Variants in LRP6 observed in about 807,000 individuals in gnomAD.
LRP6 encodes low-density lipoprotein receptor-related protein 6.
LRP6 carries 43 observed loss-of-function variants against 184.1 expected under a neutral mutation model. The observed-to-expected ratio is 0.23, with a 90% CI of 0.18 to 0.30. LRP6 has a LOEUF of 0.30. Among genes scored for constraint, LRP6 ranks in the 10% least tolerant of loss-of-function variants. The pLI, the probability that LRP6 is intolerant of heterozygous loss-of-function variation, is 1.00. For synonymous variants in LRP6, 719 were observed against 684.9 expected (o/e 1.05, Z -0.78); for missense variants, 1,571 against 2,005.3 (o/e 0.78, Z 4.14).
intron 5 of LRP6, among the ~76,000 whole-genome samples, chr12:12,181,854 A>G (rs1863352647): frequency 6.6e-6 from 1 of 152,236 alleles, no homozygotes. Flanking sequence ...TGTGCTTGAT[A>G]GGAATGTTCT....
intron 2 of LRP6, among the ~76,000 whole-genome samples, chr12:12,242,597 T>A (rs927780963): frequency 6.6e-6 from 1 of 152,182 alleles, no homozygotes; most frequent in Admixed American, 6.5e-5. Flanking sequence ...TTCTCAAAAA[T>A]ATCTATAAAG....
At chr12:12,138,881 G>A in intron 15 of LRP6, 1 of 1,373,942 alleles carries the variant, frequency 7.3e-7, no homozygotes, top group Non-Finnish European at 9.7e-7. Flanking sequence ...TGGACCCAGA[G>A]TTCTGAGTAT....
At chr12:12,220,442 G>A (rs1307553529) in intron 2 of LRP6, among the ~76,000 whole-genome samples, 1 of 152,172 alleles carries the variant, frequency 6.6e-6, no homozygotes, top group Non-Finnish European at 1.5e-5. Flanking sequence ...CTGCAGTATA[G>A]TACGTAGCAC....
At position 12,164,403 on chromosome 12, in the gene LRP6, T is replaced by C; in HGVS notation, c.1922A>G (p.Asp641Gly). ...TGTTTCCAGAGAAATTCGTCTGATA[T>C]CTGCTCTCCGTGAAAACAAAAGGAA... ...EAFLLFSRRA[D>G]IRRISLETNN... Residue 641 changes from aspartate (D) to glycine (G), a missense_variant, in exon 9 of 23, where the codon GAT becomes GGT. Transcript: ENST00000261349. 6.2e-7 allele frequency: 1 copy of C among 1,614,172 alleles called. No individual in the cohort carries two copies. The highest frequency in any genetic ancestry group is 8.5e-7 in the Non-Finnish European group (1 of 1,180,038).
chr12:12,244,338 C>G lies in LRP6; in HGVS notation c.373G>C (p.Asp125His). ...AATAAAACTTTTCGTAAAGATCCATCTAAATTAGAAACTTCAATCCGATTA... is the reference window on the plus strand; with the variant it reads ...AATAAAACTTTTCGTAAAGATCCATGTAAATTAGAAACTTCAATCCGATTA... ...ETNRIEVSNL[D>H]GSLRKVLFWQ... Residue 125 changes from aspartate (D) to histidine (H), a missense_variant, in exon 2 of 23, where the codon GAT (aspartate) becomes CAT (histidine). Transcript: ENST00000261349. The G allele has an allele frequency of 6.2e-7, 1 of 1,614,166 alleles. No individual in the cohort carries two copies. The highest frequency in any genetic ancestry group is 8.5e-7 in the Non-Finnish European group (1 of 1,180,032).
intron 7 of LRP6, among the ~76,000 whole-genome samples, chr12:12,168,221 G>A (rs1315132804): frequency 6.6e-6 from 1 of 152,034 alleles, no homozygotes; most frequent in Non-Finnish European, 1.5e-5. Flanking sequence ...GCCTCTTCCA[G>A]CTAATGTATT....
chr12:12,198,813 C>T (rs1462660263), intron 3 of LRP6, among the ~76,000 whole-genome samples: 2 of 151,952 alleles, frequency 1.3e-5, no homozygotes, highest in South Asian at 4.2e-4. Flanking sequence ...GGATTATAGG[C>T]GTGAGTCATT....
intron 3 of LRP6, among the ~76,000 whole-genome samples, chr12:12,187,757 C>CT (rs1863512350): frequency 6.6e-6 from 1 of 152,142 alleles, no homozygotes; most frequent in Non-Finnish European, 1.5e-5. Flanking sequence ...TATATTCAGG[C>CT]AGCCAAAAAG....
rs1383406059 is a variant in LRP6 at position 12,183,927 on chromosome 12, A to C, written c.976+53T>G. 4 of 1,542,890 alleles carry C rather than the reference A, an allele frequency of 2.6e-6. No individual in the cohort carries two copies. In the African/African-American group the frequency reaches 4.1e-5, roughly 16 times the overall value. ...GAGCTGATTATAGAGAAAACAAATC[A>C]TGAAGAATTCCAATAGTTATAAAAT... On this transcript the variant is annotated intron_variant, in intron 5 of 22. Coordinates refer to ENST00000261349, the MANE Select transcript of LRP6 (RefSeq NM_002336.3).
At chr12:12,137,853 T>G (rs966980017) in intron 16 of LRP6, among the ~76,000 whole-genome samples, 1 of 151,894 alleles carries the variant, frequency 6.6e-6, no homozygotes, top group Non-Finnish European at 1.5e-5. Flanking sequence ...CCGGGTAAGG[T>G]TGACATAAGG....
chr12:12,127,440 G>A (rs1342027408), intron 19 of LRP6, among the ~76,000 whole-genome samples: 1 of 152,174 alleles, frequency 6.6e-6, no homozygotes, highest in Middle Eastern at 3.2e-3. Flanking sequence ...TGACATTTAG[G>A]CCTGATGAAT....
chr12:12,146,485 G>A (rs1443407295), intron 15 of LRP6, among the ~76,000 whole-genome samples: 1 of 152,202 alleles, frequency 6.6e-6, no homozygotes, highest in East Asian at 1.9e-4. Context: ...ATTGGGGACA[G>A]AGGAGGTAAT....
At chr12:12,179,361 AAGATATAGATATAGATAT>A (rs71061019) in intron 7 of LRP6, among the ~76,000 whole-genome samples, 2,874 of 83,854 alleles carry the variant, frequency 0.034, 38 homozygotes, top group Non-Finnish European at 0.043. Flanking sequence ...ACAGCAATAA[AAGATATAGATATAGATAT>A]AGATATAGAT....
At chr12:12,206,384 T>G (rs1439772326) in intron 2 of LRP6, among the ~76,000 whole-genome samples, 2 of 151,450 alleles carry the variant, frequency 1.3e-5, no homozygotes, top group Non-Finnish European at 2.9e-5. Flanking sequence ...CTATTAAAAA[T>G]ACAAAAAAAT....
intron 9 of LRP6, among the ~76,000 whole-genome samples, chr12:12,163,017 C>A (rs1046231221): frequency 6.6e-6 from 1 of 152,112 alleles, no homozygotes; most frequent in Non-Finnish European, 1.5e-5. Flanking sequence ...ACTCTGTCAC[C>A]CAGGCTGGAG....
intron 2 of LRP6, among the ~76,000 whole-genome samples, chr12:12,215,035 G>A (rs1864304233): frequency 1.3e-5 from 2 of 152,266 alleles, no homozygotes; most frequent in South Asian, 2.1e-4. Flanking sequence ...CAGGGAGATG[G>A]TTTGAGACTG....
intron 7 of LRP6, among the ~76,000 whole-genome samples, chr12:12,172,540 G>A (rs1863073341): frequency 6.6e-6 from 1 of 152,196 alleles, no homozygotes; most frequent in Non-Finnish European, 1.5e-5. Flanking sequence ...AAATGTGCTA[G>A]AGTTGGAATG....
intron 3 of LRP6, among the ~76,000 whole-genome samples, chr12:12,202,327 G>A (rs750269257): frequency 6.6e-6 from 1 of 152,218 alleles, no homozygotes; most frequent in Non-Finnish European, 1.5e-5. Flanking sequence ...TGAATCACTT[G>A]GAGCTCAGGG....
intron 2 of LRP6, among the ~76,000 whole-genome samples, chr12:12,233,374 A>G (rs1036493295): frequency 1.3e-5 from 2 of 152,208 alleles, no homozygotes; most frequent in African/African-American, 4.8e-5. Context: ...AGGCTGAGAC[A>G]GGAGAATGGC....
Sources: allele counts gnomAD v4.1 joint callset (sites outside exome capture counted in the v4.1 genomes callset), GRCh38; gene constraint gnomAD v4.1.1; transcripts MANE v1.5; gene names NCBI Gene and HGNC (gene_info 2026-07-23, HGNC 2026-07-21).